POFUT3: variants seen among roughly 807,000 people sequenced by gnomAD.
POFUT3 encodes the protein protein O-fucosyltransferase 3, also known as GDP-fucose protein O-fucosyltransferase 3.
the POFUT3 span, among the ~76,000 whole-genome samples, chr8:33,367,137 TAAACTGGCCGCA>T: frequency 6.6e-6 from 1 of 152,102 alleles, no homozygotes; most frequent in African/African-American, 2.4e-5. Context: ...AATCTGGACA[TAAACTGGCCGCA>T]AAACTGGCCA....
At chr8:33,455,853 G>A in the POFUT3 span, 1 of 455,650 alleles carries the variant, frequency 2.2e-6, no homozygotes, top group South Asian at 1.6e-5. Context: ...ACTCCCTGGG[G>A]AGGGCCCGTG....
the POFUT3 span, among the ~76,000 whole-genome samples, chr8:33,447,404 G>A: frequency 6.6e-6 from 1 of 151,874 alleles, no homozygotes; most frequent in Non-Finnish European, 1.5e-5. Flanking sequence ...AGCCGAGATC[G>A]TGCCACTGCA....
At chr8:33,414,623 T>C in the POFUT3 span, among the ~76,000 whole-genome samples, 43 of 152,272 alleles carry the variant, frequency 2.8e-4, 1 homozygote, top group South Asian at 8.1e-3. Context: ...TTGTCCATCA[T>C]TCAACAAACC....
the POFUT3 span, among the ~76,000 whole-genome samples, chr8:33,432,806 C>T: frequency 2.0e-5 from 3 of 152,080 alleles, no homozygotes; most frequent in Non-Finnish European, 2.9e-5. Context: ...TAACTAATTC[C>T]ACATGCATTT....
At chr8:33,451,108 A>ACATACAG in the POFUT3 span, among the ~76,000 whole-genome samples, 3 of 150,980 alleles carry the variant, frequency 2.0e-5, no homozygotes, top group Non-Finnish European at 4.4e-5. Flanking sequence ...ACATGTACAT[A>ACATACAG]CATACAGATT....
chr8:33,401,590 A>G, the POFUT3 span, among the ~76,000 whole-genome samples: 2 of 152,224 alleles, frequency 1.3e-5, no homozygotes, highest in Non-Finnish European at 2.9e-5. Context: ...TATCCATGTA[A>G]CTACCATGGA....
the POFUT3 span, among the ~76,000 whole-genome samples, chr8:33,435,833 A>AT: frequency 6.7e-6 from 1 of 149,102 alleles, no homozygotes; most frequent in African/African-American, 2.6e-5. Context: ...GTTTTTATAT[A>AT]TTTTTTTTCA....
the POFUT3 span, among the ~76,000 whole-genome samples, chr8:33,440,054 T>C: frequency 6.6e-6 from 1 of 151,558 alleles, no homozygotes; most frequent in African/African-American, 2.4e-5. Flanking sequence ...GAGGCCTCCC[T>C]GATCACTCTG....
the POFUT3 span, among the ~76,000 whole-genome samples, chr8:33,416,600 C>T: frequency 2.0e-5 from 3 of 152,024 alleles, no homozygotes; most frequent in African/African-American, 7.2e-5. Flanking sequence ...GATCCCAGCA[C>T]TTTGAGAGGC....
At chr8:33,379,876 A>G in the POFUT3 span, among the ~76,000 whole-genome samples, 3 of 126,202 alleles carry the variant, frequency 2.4e-5, no homozygotes, top group East Asian at 2.1e-4. Flanking sequence ...ATATATATAT[A>G]CTATATATAT....
chr8:33,436,360 C>T, the POFUT3 span: 2 of 1,366,058 alleles, frequency 1.5e-6, no homozygotes, highest in South Asian at 1.2e-5. Flanking sequence ...AAGAAGGCAT[C>T]ATCTTTCATG....
the POFUT3 span, among the ~76,000 whole-genome samples, chr8:33,423,654 A>T: frequency 1.3e-5 from 2 of 152,058 alleles, no homozygotes; most frequent in Admixed American, 1.3e-4. Flanking sequence ...ACAATCAGAG[A>T]TTATATGCTG....
the POFUT3 span, among the ~76,000 whole-genome samples, chr8:33,379,344 A>G: frequency 6.6e-6 from 1 of 152,002 alleles, no homozygotes; most frequent in African/African-American, 2.4e-5. Flanking sequence ...GCCATACATA[A>G]ACATTGATCT....
the POFUT3 span, chr8:33,453,600 C>T: frequency 9.1e-6 from 10 of 1,098,204 alleles, no homozygotes; most frequent in Admixed American, 1.4e-4. Flanking sequence ...GCCCCTGACT[C>T]GTTTTCAATT....
chr8:33,404,353 G>A, the POFUT3 span, among the ~76,000 whole-genome samples: 8,470 of 144,848 alleles, frequency 0.058, 690 homozygotes, highest in African/African-American at 0.17. Flanking sequence ...AAAAAAAAAA[G>A]AAAAAGAAAA....
the POFUT3 span, chr8:33,394,152 TC>T: frequency 4.9e-6 from 1 of 202,936 alleles, no homozygotes; most frequent in Non-Finnish European, 1.0e-5. Flanking sequence ...GCCACTGCAC[TC>T]CAGCCTGGGT....
the POFUT3 span, among the ~76,000 whole-genome samples, chr8:33,317,646 C>G: frequency 6.6e-6 from 1 of 152,104 alleles, no homozygotes; most frequent in South Asian, 2.1e-4. Flanking sequence ...GAGGTCAGCT[C>G]TCAAGTGTGA....
At chr8:33,431,052 G>T in the POFUT3 span, among the ~76,000 whole-genome samples, 1 of 152,140 alleles carries the variant, frequency 6.6e-6, no homozygotes, top group Non-Finnish European at 1.5e-5. Context: ...TGCATTGTGG[G>T]TCTGTGTGGG....
chr8:33,363,034 G>A, the POFUT3 span, among the ~76,000 whole-genome samples: 2 of 152,164 alleles, frequency 1.3e-5, no homozygotes, highest in Admixed American at 1.3e-4. Flanking sequence ...AAGCTCCTCA[G>A]CAAATGTAAA....
Sources: allele counts gnomAD v4.1 joint callset (sites outside exome capture counted in the v4.1 genomes callset), GRCh38; gene constraint gnomAD v4.1.1; transcripts MANE v1.5; gene names NCBI Gene and HGNC (gene_info 2026-07-23, HGNC 2026-07-21).